The following SLC13A3 variants were observed in gnomAD, a reference collection of about 807,000 sequenced individuals.
SLC13A3 encodes solute carrier family 13 member 3.
A neutral mutation model predicts 59.0 loss-of-function variants in SLC13A3; 40 were observed. The observed-to-expected ratio is 0.68, with a 90% confidence interval of 0.53 to 0.88. The LOEUF (loss-of-function observed/expected upper bound fraction) is 0.88, where lower values mean the gene tolerates loss of function less well. Among genes scored for constraint, SLC13A3 ranks in the 40% least tolerant of loss-of-function variants. The pLI is 0.00. For missense variants in SLC13A3, 699 were observed against 783.2 expected (o/e 0.89, Z 1.28); for synonymous variants, 317 against 330.3 (o/e 0.96, Z 0.44).
intron 10 of SLC13A3, among the ~76,000 whole-genome samples, chr20:46,570,539 C>G (rs1336914890): frequency 6.6e-6 from 1 of 152,194 alleles, no homozygotes; most frequent in East Asian, 1.9e-4. Context: ...TCTGGCAATG[C>G]TATACACTGT....
chr20:46,577,384 A>G (rs1288045083), intron 9 of SLC13A3, among the ~76,000 whole-genome samples: 6 of 152,222 alleles, frequency 3.9e-5, no homozygotes, highest in Non-Finnish European at 7.3e-5. Context: ...TGCAACATAC[A>G]CTTAAGCCCA....
intron 1 of SLC13A3, among the ~76,000 whole-genome samples, chr20:46,632,908 G>GCTCTTTATCTACCCACCCAGATCT (rs1555881868): frequency 0.018 from 625 of 34,394 alleles, 32 homozygotes; most frequent in East Asian, 0.037. Flanking sequence ...TAGATAGATA[G>GCTCTTTATCTACCCACCCAGATCT]ATATATCTAT....
chr20:46,629,088 A>G (rs16991650), intron 1 of SLC13A3, among the ~76,000 whole-genome samples: 9,771 of 152,328 alleles, frequency 0.064, 371 homozygotes, highest in Admixed American at 0.1. Flanking sequence ...GGATGATATT[A>G]TGAATAAATT....
chr20:46,679,344 G>C (rs957936828), intron 1 of SLC13A3, among the ~76,000 whole-genome samples: 5 of 152,144 alleles, frequency 3.3e-5, no homozygotes, highest in Non-Finnish European at 7.4e-5. Flanking sequence ...ATCACTTGAG[G>C]TCAGGAGTTC....
intron 1 of SLC13A3, among the ~76,000 whole-genome samples, chr20:46,680,967 G>A (rs1287280830): frequency 1.3e-5 from 2 of 152,238 alleles, no homozygotes; most frequent in Non-Finnish European, 2.9e-5. Context: ...GGGATCCTAG[G>A]CCATGCACCT....
At chr20:46,597,529 C>T (rs918909682) in intron 4 of SLC13A3, among the ~76,000 whole-genome samples, 13 of 152,240 alleles carry the variant, frequency 8.5e-5, no homozygotes, top group South Asian at 6.2e-4. Context: ...CTCTGCCTCC[C>T]GGGTTCAAGC....
At chr20:46,651,517 C>T (rs1788300800), upstream of SLC13A3, 34 of 1,335,246 alleles carry the variant, frequency 2.5e-5, no homozygotes, top group South Asian at 6.4e-4. Context: ...GAGGGGACTG[C>T]GCTGGGGAAC....
intron 9 of SLC13A3, among the ~76,000 whole-genome samples, chr20:46,581,426 G>A (rs1391655230): frequency 6.6e-6 from 1 of 152,216 alleles, no homozygotes; most frequent in African/African-American, 2.4e-5. Flanking sequence ...ATGCAGCAAT[G>A]GGAAACAGAG....
intron 1 of SLC13A3, among the ~76,000 whole-genome samples, chr20:46,664,217 T>C (rs915663292): frequency 1.3e-5 from 2 of 152,192 alleles, no homozygotes; most frequent in Non-Finnish European, 2.9e-5. Context: ...TGAGAACCAC[T>C]GTCCCTAAAA....
At chr20:46,631,346 G>A (rs2062734002) in intron 1 of SLC13A3, among the ~76,000 whole-genome samples, 1 of 152,198 alleles carries the variant, frequency 6.6e-6, no homozygotes, top group African/African-American at 2.4e-5. Flanking sequence ...CTAACTTTTA[G>A]TACATACAAT....
intron 5 of SLC13A3, among the ~76,000 whole-genome samples, chr20:46,595,682 C>T (rs1259570183): frequency 6.6e-6 from 1 of 152,192 alleles, no homozygotes; most frequent in Non-Finnish European, 1.5e-5. Flanking sequence ...CTCTTCGTCT[C>T]CCTGGTTTTC....
intron 3 of SLC13A3, among the ~76,000 whole-genome samples, chr20:46,600,338 A>G (rs1198019286): frequency 6.7e-6 from 1 of 149,426 alleles, no homozygotes; most frequent in Non-Finnish European, 1.5e-5. Flanking sequence ...GAAGGAAGGA[A>G]GGAAAGGAAA....
At chr20:46,563,601 G>A (rs779744094) in intron 11 of SLC13A3, 50 bp from the exon 12 acceptor site, 4 of 1,386,002 alleles carry the variant, frequency 2.9e-6, no homozygotes, top group Admixed American at 2.1e-5. Context: ...AACGCAGAGC[G>A]ACCACAGCAA....
intron 10 of SLC13A3, among the ~76,000 whole-genome samples, chr20:46,572,123 G>C (rs757912005): frequency 3.9e-4 from 60 of 152,138 alleles, no homozygotes; most frequent in Non-Finnish European, 7.2e-4. Flanking sequence ...CTGAGGCTCA[G>C]AGTAAGCACT....
rs936747458 is a variant in SLC13A3 at position 46,613,642 on chromosome 20, C to T, written c.195G>A (p.Leu65=). 2 of 1,611,996 alleles carry T rather than the reference C, an allele frequency of 1.2e-6. No individual in the cohort carries two copies. Among genetic ancestry groups the T allele is most frequent in the Non-Finnish European group, 1.7e-6 (2 of 1,179,112 alleles). ...CCATGAAGGGGAAGAGGACGATGGG[C>T]AGCAGCGCCGTCACTGAGAGCGGCA... The part of the protein sequence containing the change: ...EALPLSVTAL[L]PIVLFPFMGI... Residue 65 remains leucine (L), a synonymous_variant, in exon 2 of 13, where the codon CTG becomes CTA. Transcript: ENST00000279027.
intron 8 of SLC13A3, among the ~76,000 whole-genome samples, chr20:46,587,747 T>C (rs556845289): frequency 6.6e-6 from 1 of 152,330 alleles, no homozygotes; most frequent in South Asian, 2.1e-4. Context: ...CATAATAGGT[T>C]CTCAATCAAT....
intron 3 of SLC13A3, among the ~76,000 whole-genome samples, chr20:46,600,962 T>C (rs187275046): frequency 7.6e-4 from 115 of 152,068 alleles, no homozygotes; most frequent in Non-Finnish European, 1.2e-3. Context: ...ACCTCAAGGA[T>C]AAAATGGAAT....
chr20:46,648,559 T>C (rs1484096595), intron 1 of SLC13A3, among the ~76,000 whole-genome samples: 1 of 151,938 alleles, frequency 6.6e-6, no homozygotes, highest in East Asian at 1.9e-4. Context: ...AAGGGAACTG[T>C]AGGGAACAAA....
chr20:46,674,604 C>CGCGTGTGTGTGT (rs370861850), upstream of SLC13A3, among the ~76,000 whole-genome samples: 79 of 127,944 alleles, frequency 6.2e-4, no homozygotes, highest in East Asian at 1.9e-3. Context: ...CGCGCGCGCG[C>CGCGTGTGTGTGT]GTGTGTGTGT....
Sources: gnomAD v4.1 joint callset for allele counts (sites outside exome capture counted in the v4.1 genomes callset) on GRCh38, gnomAD v4.1.1 for gene constraint, MANE v1.5 for transcripts, NCBI Gene and HGNC (gene_info 2026-07-23, HGNC 2026-07-21) for gene names.